TRAM1: variants seen among roughly 807,000 people sequenced by gnomAD.
TRAM1 encodes the protein translocation associated membrane protein 1.
In TRAM1, 17 loss-of-function variants were observed where a neutral mutation model predicts 48.7. The observed-to-expected ratio is 0.35, with a 90% CI of 0.24 to 0.52. The LOEUF (loss-of-function observed/expected upper bound fraction) is 0.52, where lower values mean the gene tolerates loss of function less well. Among genes scored for constraint, TRAM1 ranks in the 20% least tolerant of loss-of-function variants. The pLI, the probability that TRAM1 is intolerant of heterozygous loss-of-function variation, is 0.94. For synonymous variants in TRAM1, 182 were observed against 154.0 expected (o/e 1.18, Z -1.34); for missense variants, 351 against 441.5 (o/e 0.79, Z 1.84).
chr8:70,592,071 A>G (rs1240131256), intron 6 of TRAM1, among the ~76,000 whole-genome samples: 1 of 152,234 alleles, frequency 6.6e-6, no homozygotes, highest in Non-Finnish European at 1.5e-5. Flanking sequence ...GTATAATTAT[A>G]TGTATGTATA....
chr8:70,606,955 T>G, intron 1 of TRAM1: 1 of 981,624 alleles, frequency 1.0e-6, no homozygotes, highest in Non-Finnish European at 1.2e-6. Flanking sequence ...TAAGCACTCC[T>G]ATGTCCCAGG....
intron 1 of TRAM1, chr8:70,607,396 G>A: frequency 1.0e-6 from 1 of 985,460 alleles, no homozygotes; most frequent in South Asian, 4.7e-5. Context: ...CAAAAAGTTC[G>A]TTAACTGGTA....
intron 9 of TRAM1, 66 bp from the exon 10 acceptor site, chr8:70,583,390 T>C (rs1817126892): frequency 6.7e-7 from 1 of 1,494,406 alleles, no homozygotes; most frequent in African/African-American, 1.4e-5. Flanking sequence ...CATTCTATCA[T>C]CTTTCATAGT....
intron 4 of TRAM1, among the ~76,000 whole-genome samples, chr8:70,596,630 G>A (rs1375036186): frequency 6.6e-6 from 1 of 151,876 alleles, no homozygotes; most frequent in Non-Finnish European, 1.5e-5. Flanking sequence ...ACCAATAAGA[G>A]GCACAACAGT....
chr8:70,598,301 T>C (rs368812570), intron 2 of TRAM1, 46 bp from the exon 3 acceptor site: 104 of 1,546,164 alleles, frequency 6.7e-5, no homozygotes, highest in Non-Finnish European at 1.3e-5. Context: ...TACACAAGGT[T>C]ATAAAAACAG....
chr8:70,606,741 T>A, intron 1 of TRAM1: 1 of 272,792 alleles, frequency 3.7e-6, no homozygotes, highest in Non-Finnish European at 5.6e-6. Context: ...CATGACACAA[T>A]CAGGAGTAAA....
rs550852976 is a variant in TRAM1, at chr8:70,583,642, G to C, written c.890+8C>G. 1.2e-5 allele frequency: 19 copies of C among 1,605,472 alleles called. No individual in the cohort carries two copies. Among genetic ancestry groups the C allele is most frequent in the Non-Finnish European group, 1.5e-5 (18 of 1,177,996 alleles). On this transcript the variant is annotated splice_region_variant and intron_variant, in intron 9 of 10. Transcript: ENST00000262213. ...TATAAAGTGAAAAAAATGTTAAATT[G>C]ATCGTACCTAACAGCTAACACATTG...
At position 70,601,942 on chromosome 8, in the gene TRAM1, C is replaced by A. The variant is rs538752184; in HGVS notation, c.124-1860G>T. On this transcript the variant is annotated intron_variant, in intron 1 of 10. Coordinates refer to ENST00000262213, the MANE Select transcript of TRAM1 (RefSeq NM_014294.6). ...GATAATAGCTGAAGCTGTGAAAATA[C>A]ATAAATCATATATGGAGAGTGCACA... 1.4e-3 allele frequency among the ~76,000 whole-genome samples: 206 copies of A among 152,150 alleles called. 2 individuals carry two copies. Among genetic ancestry groups the A allele is most frequent in the Non-Finnish European group, 2.4e-3 (166 of 67,994 alleles).
intron 10 of TRAM1, among the ~76,000 whole-genome samples, chr8:70,582,009 T>C (rs1261154954): frequency 2.0e-5 from 3 of 152,220 alleles, no homozygotes; most frequent in East Asian, 1.9e-4. Flanking sequence ...TTTGCAGTGA[T>C]AGAAATATTC....
chr8:70,590,141 T>TAA (rs34326193), intron 6 of TRAM1, among the ~76,000 whole-genome samples: 2 of 139,872 alleles, frequency 1.4e-5, no homozygotes, highest in Non-Finnish European at 1.5e-5. Flanking sequence ...TAAGGCAATG[T>TAA]AAAAAAAAAA....
chr8:70,602,559 C>T (rs990586964), intron 1 of TRAM1, among the ~76,000 whole-genome samples: 2 of 152,134 alleles, frequency 1.3e-5, no homozygotes, highest in African/African-American at 2.4e-5. Context: ...TGAGGAAATC[C>T]GTGCTTGATA....
chr8:70,578,574 A>G (rs1354060249), intron 10 of TRAM1, among the ~76,000 whole-genome samples: 1 of 152,210 alleles, frequency 6.6e-6, no homozygotes, highest in African/African-American at 2.4e-5. Context: ...TTGAGGCTGC[A>G]GTGAGCCAAG....
chr8:70,574,810 G>A lies in TRAM1; in HGVS notation c.*122C>T, dbSNP rs1037199887. The stretch of plus-strand genomic sequence containing the variant: ...GCCCTTTAAAAAAATGCATGAAACC[G>A]TACAATAGCAAAAATCAAAGAGCAC... On this transcript the variant is annotated 3_prime_UTR_variant, in exon 11 of 11. Coordinates refer to ENST00000262213, the MANE Select transcript of TRAM1 (RefSeq NM_014294.6). 1.1e-4 allele frequency: 78 copies of A among 728,666 alleles called. No homozygotes were observed. The highest frequency in any genetic ancestry group is 1.1e-3 in the African/African-American group (58 of 54,760). The allele number at this position is 728,666 out of a possible 1,614,324, so 45.1% of individuals were successfully genotyped here.
In TRAM1 at chr8:70,596,243, G is replaced by C; in HGVS notation, c.485+20C>G. 6.4e-7 allele frequency: 1 copy of C among 1,557,272 alleles called. No individual in the cohort carries two copies. The highest frequency in any genetic ancestry group is 8.6e-7 in the Non-Finnish European group (1 of 1,156,852). On this transcript the variant is annotated intron_variant, in intron 5 of 10. Transcript: ENST00000262213. ...TGACCATGGTCCTTAACAAAGAAAGGGCTGCTAAAAATGACTTACGTCATC... is the reference window on the plus strand; with the variant it reads ...TGACCATGGTCCTTAACAAAGAAAGCGCTGCTAAAAATGACTTACGTCATC...
intron 8 of TRAM1, among the ~76,000 whole-genome samples, chr8:70,585,848 T>G (rs1563383027): frequency 7.3e-6 from 1 of 136,842 alleles, no homozygotes; most frequent in Non-Finnish European, 1.6e-5. Context: ...GTTCAACCAT[T>G]GTGGAAGTCA....
intron 2 of TRAM1, among the ~76,000 whole-genome samples, chr8:70,599,270 AAC>A (rs1817555141): frequency 6.6e-6 from 1 of 152,096 alleles, no homozygotes; most frequent in Non-Finnish European, 1.5e-5. Flanking sequence ...ATCTCTTAAA[AAC>A]ACACATATAA....
intron 4 of TRAM1, among the ~76,000 whole-genome samples, chr8:70,596,913 T>A (rs889941782): frequency 2.6e-5 from 4 of 151,934 alleles, no homozygotes; most frequent in Admixed American, 6.6e-5. Flanking sequence ...TATGTTTTTT[T>A]AAAAAAATGT....
At chr8:70,591,134 C>A (rs903573688) in intron 6 of TRAM1, among the ~76,000 whole-genome samples, 11 of 152,042 alleles carry the variant, frequency 7.2e-5, no homozygotes, top group African/African-American at 2.7e-4. Flanking sequence ...GGGTAGTGTA[C>A]CATGAGTTTT....
intron 10 of TRAM1, among the ~76,000 whole-genome samples, chr8:70,581,687 T>C (rs268561): frequency 0.33 from 49,791 of 152,080 alleles, 8,651 homozygotes; most frequent in East Asian, 0.64. Flanking sequence ...CGATTCATAA[T>C]AGCCAAAAAG....
Sources: allele counts gnomAD v4.1 joint callset (sites outside exome capture counted in the v4.1 genomes callset), GRCh38; gene constraint gnomAD v4.1.1; transcripts MANE v1.5; gene names NCBI Gene and HGNC (gene_info 2026-07-23, HGNC 2026-07-21).